HHIPL1: variants seen among roughly 807,000 people sequenced by gnomAD.
HHIPL1 encodes HHIP like 1, also known as HHIP-like protein 1.
A neutral mutation model predicts 61.8 loss-of-function variants in HHIPL1; 43 were observed. The ratio of observed to expected loss-of-function variants is 0.70; its 90% CI spans 0.55 to 0.90. The LOEUF is 0.90. Ranked by LOEUF, HHIPL1 falls within the 40% of genes least tolerant of loss-of-function variation. The pLI, the probability that HHIPL1 is intolerant of heterozygous loss-of-function variation, is 0.00. For synonymous variants in HHIPL1, 482 were observed against 515.8 expected (o/e 0.93, Z 0.89); for missense variants, 1,056 against 1,157.7 (o/e 0.91, Z 1.28).
chr14:99,607,194 A>C, the HHIPL1 span, among the ~76,000 whole-genome samples: 6 of 150,392 alleles, frequency 4.0e-5, no homozygotes, highest in African/African-American at 7.4e-5. Flanking sequence ...ATGCCTGGCT[A>C]TTTTCTTTTC....
At chr14:99,647,434 G>A (rs557862050) in intron 1 of HHIPL1, among the ~76,000 whole-genome samples, 9 of 152,188 alleles carry the variant, frequency 5.9e-5, no homozygotes, top group Non-Finnish European at 1.2e-4. Flanking sequence ...GGCTCAGCAC[G>A]GCAGTGAGGT....
intron 6 of HHIPL1, among the ~76,000 whole-genome samples, chr14:99,663,422 C>T (rs1376102689): frequency 6.6e-6 from 1 of 152,160 alleles, no homozygotes; most frequent in Non-Finnish European, 1.5e-5. Context: ...GGGTAACTTC[C>T]TGACGTTGCC....
Position 99,649,777 on chromosome 14 carries a change from CAG to C in HHIPL1, c.256-2440_256-2439del, listed in dbSNP as rs1186502403. Among the ~76,000 whole-genome samples, 11 of 152,354 alleles carry C rather than the reference CAG, an allele frequency of 7.2e-5. No individual in the cohort carries two copies. The East Asian group carries it at 1.7e-3, about 24-fold the overall frequency. On this transcript the variant is annotated intron_variant, in intron 1 of 8. Coordinates refer to ENST00000330710, the MANE Select transcript of HHIPL1 (RefSeq NM_001127258.3). ...TGCCACTGCACTCTAGCCTGGATGA[CAG>C]AGAGAGTCCCTGTCTCAAAAAATAA...
intron 6 of HHIPL1, among the ~76,000 whole-genome samples, chr14:99,667,321 C>CTT (rs35142788): frequency 3.7e-4 from 55 of 147,702 alleles, no homozygotes; most frequent in Admixed American, 6.7e-4. Context: ...CTCTGAGCCT[C>CTT]TTTTTTTTTT....
the HHIPL1 span, among the ~76,000 whole-genome samples, chr14:99,612,188 A>G: frequency 1.3e-4 from 20 of 152,208 alleles, no homozygotes; most frequent in African/African-American, 4.6e-4. Flanking sequence ...ATGAGAGCCG[A>G]GCGATGGGGA....
chr14:99,624,524 A>AC, the HHIPL1 span, among the ~76,000 whole-genome samples: 1 of 152,008 alleles, frequency 6.6e-6, no homozygotes, highest in East Asian at 1.9e-4. Context: ...ACCTAGGCAC[A>AC]CCCCACCTCT....
At chr14:99,621,467 T>G in the HHIPL1 span, among the ~76,000 whole-genome samples, 1 of 152,114 alleles carries the variant, frequency 6.6e-6, no homozygotes, top group African/African-American at 2.4e-5. Context: ...CTGGGGGATT[T>G]TATGTGGGTT....
chr14:99,669,105 CA>C, intron 7 of HHIPL1: 1 of 1,417,788 alleles, frequency 7.1e-7, no homozygotes, highest in Non-Finnish European at 9.2e-7. Flanking sequence ...CAGCTCTCAT[CA>C]CTCAGACTTG....
the HHIPL1 span, among the ~76,000 whole-genome samples, chr14:99,605,059 C>T: frequency 2.6e-5 from 4 of 152,180 alleles, no homozygotes; most frequent in Admixed American, 6.5e-5. Flanking sequence ...CTCTCTGCCC[C>T]GATGGGGCGA....
chr14:99,644,907 G>A (rs1566803638), upstream of HHIPL1, among the ~76,000 whole-genome samples: 1 of 152,214 alleles, frequency 6.6e-6, no homozygotes, highest in African/African-American at 2.4e-5. Flanking sequence ...GCCCTGTGGG[G>A]AGGAAGCAGG....
chr14:99,637,030 AGAAAG>A, the HHIPL1 span, among the ~76,000 whole-genome samples: 3 of 121,854 alleles, frequency 2.5e-5, no homozygotes, highest in African/African-American at 9.9e-5. Context: ...AAAGAAAGAA[AGAAAG>A]AAAGAAAGAA....
chr14:99,638,372 C>T, the HHIPL1 span, among the ~76,000 whole-genome samples: 1 of 152,310 alleles, frequency 6.6e-6, no homozygotes, highest in South Asian at 2.1e-4. Flanking sequence ...TGCCCCGAGG[C>T]CTTCCCAGTC....
chr14:99,659,513 T>A lies in HHIPL1; in HGVS notation c.1132T>A (p.Phe378Ile). 6 of 1,542,526 alleles carry A rather than the reference T, an allele frequency of 3.9e-6. No homozygotes were observed. Among genetic ancestry groups the A allele is most frequent in the Non-Finnish European group, 5.2e-6 (6 of 1,148,464 alleles). The change falls in exon 4 of 9, where the codon TTC becomes ATC. Residue 378 changes from phenylalanine (F) to isoleucine (I), a missense_variant. Phe to Ile is a conservative substitution (Grantham distance 21, BLOSUM62 0). Transcript: ENST00000330710. The part of the protein sequence containing the change: ...LPYGIPPDNP[F>I]VGDPAAQPEV... The stretch of plus-strand genomic sequence containing the variant: ...CTACGGCATCCCGCCCGACAACCCG[T>A]TCGTGGGCGACCCCGCGGCGCAGCC...
upstream of HHIPL1, chr14:99,645,023 G>A: frequency 2.2e-6 from 1 of 451,476 alleles, no homozygotes; most frequent in Non-Finnish European, 3.6e-6. Context: ...TCTGCGCCGC[G>A]TCCCTCTTCC....
upstream of HHIPL1, among the ~76,000 whole-genome samples, chr14:99,643,333 C>T (rs1199869784): frequency 6.6e-6 from 1 of 152,266 alleles, no homozygotes; most frequent in Non-Finnish European, 1.5e-5. Flanking sequence ...AGCCACTGTG[C>T]CCGGCTCCTG....
At chr14:99,635,535 G>A in the HHIPL1 span, among the ~76,000 whole-genome samples, 31 of 152,250 alleles carry the variant, frequency 2.0e-4, no homozygotes, top group African/African-American at 5.1e-4. Context: ...TGCTTGGGCC[G>A]TCAGGGGTTA....
At chr14:99,632,725 T>G in the HHIPL1 span, among the ~76,000 whole-genome samples, 1 of 152,180 alleles carries the variant, frequency 6.6e-6, no homozygotes, top group African/African-American at 2.4e-5. Flanking sequence ...AGGCAAGCGT[T>G]AAGACTGAAG....
intron 7 of HHIPL1, chr14:99,669,377 T>G: frequency 1.0e-6 from 1 of 982,658 alleles, no homozygotes; most frequent in Non-Finnish European, 1.2e-6. Flanking sequence ...TACTTGTCTC[T>G]AACGCAAGGC....
chr14:99,605,010 C>A, the HHIPL1 span, among the ~76,000 whole-genome samples: 1 of 152,134 alleles, frequency 6.6e-6, no homozygotes, highest in Non-Finnish European at 1.5e-5. Flanking sequence ...CCCTGCAGGG[C>A]CAGGGCCTTG....
Sources: gnomAD v4.1 joint callset for allele counts (sites outside exome capture counted in the v4.1 genomes callset) on GRCh38, gnomAD v4.1.1 for gene constraint, MANE v1.5 for transcripts, NCBI Gene and HGNC (gene_info 2026-07-23, HGNC 2026-07-21) for gene names.